Variants in STAT4 observed in about 807,000 individuals in gnomAD.
The protein encoded by STAT4 is signal transducer and activator of transcription 4.
Under a neutral mutation model 110.5 loss-of-function variants are expected in STAT4, and 42 were observed. That is an observed-to-expected ratio of 0.38 (90% CI 0.30 to 0.49). The LOEUF is 0.49. Ranked by LOEUF, STAT4 falls within the 20% of genes least tolerant of loss-of-function variation. The pLI is 0.95. For synonymous variants in STAT4, 284 were observed against 302.2 expected (o/e 0.94, Z 0.63); for missense variants, 632 against 887.9 (o/e 0.71, Z 3.66).
chr2:191,055,238 A>G (rs986542351), intron 13 of STAT4, among the ~76,000 whole-genome samples: 6 of 151,470 alleles, frequency 4.0e-5, no homozygotes, highest in African/African-American at 1.2e-4. Flanking sequence ...TGGTTCTGTC[A>G]CCCAGGCTGG....
intron 14 of STAT4, among the ~76,000 whole-genome samples, chr2:191,048,788 C>CAAAAAAAAAAAAAAAAAAAAAAAAAAAA (rs60267174): frequency 2.1e-5 from 1 of 48,768 alleles, no homozygotes; most frequent in Admixed American, 3.9e-4. Flanking sequence ...AACTCCATCT[C>CAAAAAAAAAAAAAAAAAAAAAAAAAAAA]AAAAAAAAAA....
chr2:191,073,648 C>A (rs1697229243), intron 4 of STAT4, among the ~76,000 whole-genome samples: 1 of 152,148 alleles, frequency 6.6e-6, no homozygotes, highest in Non-Finnish European at 1.5e-5. Flanking sequence ...TGAGATCGTG[C>A]CACTGCGCTC....
In STAT4 at chr2:191,031,157, A is replaced by T. The variant is rs1695882343; in HGVS notation, c.2112-77T>A. ...TTCACGGTGACTTACTATGTCAGGA[A>T]CTCATTTCTAGGGCTTCATCTATTT... On this transcript the variant is annotated intron_variant, in intron 22 of 23. Transcript: ENST00000392320. The surrounding 1 kb of genome is among the most constrained non-coding windows in gnomAD (Gnocchi z 4.8). 7.0e-7 allele frequency: 1 copy of T among 1,434,046 alleles called. No individual in the cohort carries two copies. Among genetic ancestry groups the T allele is most frequent in the Non-Finnish European group, 9.8e-7 (1 of 1,022,982 alleles). 88.8% of individuals were successfully genotyped at this position (1,434,046 alleles called of 1,614,324 possible). A position where few individuals can be genotyped will look rare whatever the true frequency, so the allele number is the denominator to read the frequency against.
intron 3 of STAT4, among the ~76,000 whole-genome samples, chr2:191,123,472 GACCTTCTCTC>G (rs1216292993): frequency 6.6e-6 from 1 of 152,128 alleles, no homozygotes; most frequent in African/African-American, 2.4e-5. Context: ...CATCCAGCCT[GACCTTCTCTC>G]ACATGTACCA....
At chr2:191,128,291 G>C (rs1332896531) in intron 3 of STAT4, among the ~76,000 whole-genome samples, 1 of 152,172 alleles carries the variant, frequency 6.6e-6, no homozygotes, top group Non-Finnish European at 1.5e-5. Flanking sequence ...TTAACACAGA[G>C]TGGCTACACA....
At chr2:191,134,653 T>G (rs1246744214) in intron 3 of STAT4, among the ~76,000 whole-genome samples, 1 of 152,182 alleles carries the variant, frequency 6.6e-6, no homozygotes, top group Non-Finnish European at 1.5e-5. Flanking sequence ...AAAGCCAAAG[T>G]ATACTACCCA....
In STAT4 at chr2:191,051,025, A is replaced by G. The variant is rs1181802913; in HGVS notation, c.1251+3465T>C. On this transcript the variant is annotated intron_variant, in intron 14 of 23. Coordinates refer to ENST00000392320, the MANE Select transcript of STAT4 (RefSeq NM_003151.4). The surrounding 1 kb of genome is among the most constrained non-coding windows in gnomAD (Gnocchi z 5.6). ...AAAAAGTAGAATGGAGCGACCCAAA[A>G]TTGTGTGTGTGCGTGTGGGTGTGTG... Among the ~76,000 whole-genome samples, 1 of 152,138 alleles carries G rather than the reference A, an allele frequency of 6.6e-6. No homozygotes were observed. Among genetic ancestry groups the G allele is most frequent in the African/African-American group, 2.4e-5 (1 of 41,434 alleles).
Position 191,062,898 on chromosome 2 carries a change from G to T in STAT4, c.805C>A (p.Leu269Ile), listed in dbSNP as rs35279173. 1.7e-4 allele frequency: 281 copies of T among 1,613,478 alleles called. 1 individual carries two copies. Among genetic ancestry groups the T allele is most frequent in the Non-Finnish European group, 3.5e-5 (41 of 1,179,774 alleles). Residue 269 changes from leucine to isoleucine, a missense_variant, in exon 9 of 24, where the codon CTT becomes ATT. Leu to Ile is a conservative substitution (Grantham distance 5). Around this residue, in one of 4 missense-constraint regions of STAT4, gnomAD observed 488 missense variants for 632.8 expected, o/e 0.77. Transcript: ENST00000392320. This position sits in a 1 kb window ranked among gnomAD's most constrained non-coding sequence, Gnocchi z 4.9. Reference sequence around the variant, plus strand: ...TCCAATTGCCTTCTCAGTTGGAAAAGACTTTCTGCCAATAGTGTAAAGCTA... The same window carrying T: ...TCCAATTGCCTTCTCAGTTGGAAAATACTTTCTGCCAATAGTGTAAAGCTA... ...QNCFTLLAES[L>I]FQLRRQLEKL...
At position 191,146,731 on chromosome 2, in the gene STAT4, A is replaced by G. The variant is rs1338661647; in HGVS notation, c.155T>C (p.Met52Thr). 1.3e-6 allele frequency: 2 copies of G among 1,573,792 alleles called. No individual in the cohort carries two copies. The highest frequency in any genetic ancestry group is 2.7e-5 in the African/African-American group (2 of 72,930). ...CAAGTTTTGAAGAAGAATCGTTGCC[A>G]TGGTTTCATTGTTAGAAGCTGCCTC... ...DWEAASNNET[M>T]ATILLQNLLI... Residue 52 changes from methionine (M) to threonine (T), a missense_variant, in exon 3 of 24, where the codon ATG becomes ACG. Met to Thr is a moderately conservative substitution (Grantham distance 81). Coordinates refer to ENST00000392320, the MANE Select transcript of STAT4 (RefSeq NM_003151.4). The surrounding 1 kb of genome is among the most constrained non-coding windows in gnomAD (Gnocchi z 4.5).
At chr2:191,085,988 G>C (rs1030744032) in intron 3 of STAT4, among the ~76,000 whole-genome samples, 1 of 151,856 alleles carries the variant, frequency 6.6e-6, no homozygotes, top group Non-Finnish European at 1.5e-5. Context: ...AGCAAAATTT[G>C]AAACATATTT....
Position 191,135,859 on chromosome 2 carries a change from T to C in STAT4, c.273+10754A>G, listed in dbSNP as rs190469333. ...AAATTGAAGAGGAAGAAATTCTCCC[T>C]AGCTCGTTCTATGCCAGCACTACCC... On this transcript the variant is annotated intron_variant, in intron 3 of 23. Transcript: ENST00000392320. This position sits in a 1 kb window ranked among gnomAD's most constrained non-coding sequence, Gnocchi z 4.8. Among the ~76,000 whole-genome samples the C allele has an allele frequency of 1.2e-4, 19 of 152,228 alleles. No homozygotes were observed. Among genetic ancestry groups the C allele is most frequent in the African/African-American group, 4.6e-4 (19 of 41,528 alleles).
intron 3 of STAT4, among the ~76,000 whole-genome samples, chr2:191,134,217 A>T (rs977659762): frequency 6.6e-6 from 1 of 152,148 alleles, no homozygotes; most frequent in South Asian, 2.1e-4. Flanking sequence ...GCCCATCACA[A>T]CTACTTCCAA....
At chr2:191,128,806 A>G (rs369003259) in intron 3 of STAT4, among the ~76,000 whole-genome samples, 2 of 152,222 alleles carry the variant, frequency 1.3e-5, no homozygotes, top group African/African-American at 4.8e-5. Flanking sequence ...AGTTAACACC[A>G]AAACGCTGAG....
At position 191,142,078 on chromosome 2, in the gene STAT4, C is replaced by T. The variant is rs1699350076; in HGVS notation, c.273+4535G>A. ...AGCAATCCCACTACTAGGTATTTAT[C>T]CAAAGGAAAAAAAATTAGAATATAA... On this transcript the variant is annotated intron_variant, in intron 3 of 23. Transcript: ENST00000392320. This position sits in a 1 kb window ranked among gnomAD's most constrained non-coding sequence, Gnocchi z 4.1. Among the ~76,000 whole-genome samples the T allele has an allele frequency of 6.6e-6, 1 of 151,756 alleles. No homozygotes were observed. The highest frequency in any genetic ancestry group is 1.5e-5 in the Non-Finnish European group (1 of 67,964).
chr2:191,052,343 A>G (rs1365394371), intron 14 of STAT4, among the ~76,000 whole-genome samples: 1 of 152,234 alleles, frequency 6.6e-6, no homozygotes, highest in Non-Finnish European at 1.5e-5. Context: ...AATTCTGCCA[A>G]CAGGTGGAGC....
intron 3 of STAT4, among the ~76,000 whole-genome samples, chr2:191,129,747 C>A (rs749303687): frequency 6.6e-6 from 1 of 152,186 alleles, no homozygotes; most frequent in Non-Finnish European, 1.5e-5. Context: ...TCCCACCACA[C>A]AATAAGTCTC....
chr2:191,029,787 G>C lies in STAT4; in HGVS notation c.*53C>G. 6.5e-7 allele frequency: 1 copy of C among 1,534,438 alleles called. No homozygotes were observed. Among genetic ancestry groups the C allele is most frequent in the East Asian group, 2.3e-5 (1 of 44,216 alleles). On this transcript the variant is annotated 3_prime_UTR_variant, in exon 24 of 24. Coordinates refer to ENST00000392320, the MANE Select transcript of STAT4 (RefSeq NM_003151.4). The surrounding 1 kb of genome is among the most constrained non-coding windows in gnomAD (Gnocchi z 4.5). ...AAATGTGGTTATTGGGCAAAGAACA[G>C]TCTTTAAACTTTTTCATTTGCTTCC...
intron 3 of STAT4, chr2:191,131,725 G>A (rs1699041695): frequency 1.4e-5 from 17 of 1,227,638 alleles, no homozygotes; most frequent in Non-Finnish European, 1.8e-5. Context: ...ATTCTCCGAT[G>A]TTTTGTATTA....
chr2:191,137,425 T>C (rs559700753), intron 3 of STAT4, among the ~76,000 whole-genome samples: 20 of 152,302 alleles, frequency 1.3e-4, no homozygotes, highest in Admixed American at 3.3e-4. Context: ...AAAATGATCA[T>C]ACTGCCCAAA....
Sources: gnomAD v4.1 joint callset for allele counts (sites outside exome capture counted in the v4.1 genomes callset) on GRCh38, gnomAD v4.1.1 for gene constraint, gnomAD v4.1.1 regional missense constraint, Gnocchi (gnomAD v3.1) non-coding constraint, MANE v1.5 for transcripts, NCBI Gene and HGNC (gene_info 2026-07-23, HGNC 2026-07-21) for gene names.